RFX6: variants seen among roughly 807,000 people sequenced by gnomAD.
RFX6 encodes the protein regulatory factor X6.
Under a neutral mutation model 110.8 loss-of-function variants are expected in RFX6, and 50 were observed. The observed-to-expected ratio is 0.45, with a 90% CI of 0.36 to 0.57. The LOEUF (loss-of-function observed/expected upper bound fraction) is 0.57, where lower values mean the gene tolerates loss of function less well. RFX6 is among the 20% of genes least tolerant of loss of function. The pLI is 0.00. For missense variants in RFX6, 990 were observed against 1,127.0 expected (o/e 0.88, Z 1.74); for synonymous variants, 383 against 411.2 (o/e 0.93, Z 0.83).
chr6:116,930,662 A>T (rs911610376), intron 18 of RFX6, among the ~76,000 whole-genome samples: 1 of 152,254 alleles, frequency 6.6e-6, no homozygotes, highest in East Asian at 1.9e-4. Flanking sequence ...AGATGTGAAG[A>T]TCTGAGGGAG....
At chr6:116,919,845 C>A (rs933334651) in intron 11 of RFX6, among the ~76,000 whole-genome samples, 1 of 152,144 alleles carries the variant, frequency 6.6e-6, no homozygotes, top group African/African-American at 2.4e-5. Flanking sequence ...AAATATATTT[C>A]TCTTTCCCCA....
Position 116,911,939 on chromosome 6 carries a change from G to A in RFX6, c.780+897G>A, listed in dbSNP as rs1047988336. ...ATTGGCATATAAGTAGAGATGCATA[G>A]TAACTTACAGGGCTCATTTTGATGA... is the stretch of plus-strand genomic sequence containing the variant. On this transcript the variant is annotated intron_variant, in intron 7 of 18. Coordinates refer to ENST00000332958, the MANE Select transcript of RFX6 (RefSeq NM_173560.4). Among the ~76,000 whole-genome samples, 4 of 152,162 alleles carry A rather than the reference G, an allele frequency of 2.6e-5. No individual in the cohort carries two copies. In the South Asian group the frequency reaches 6.2e-4, roughly 24 times the overall value.
At chr6:116,888,381 C>T (rs774662268) in intron 4 of RFX6, among the ~76,000 whole-genome samples, 3 of 152,116 alleles carry the variant, frequency 2.0e-5, no homozygotes, top group Non-Finnish European at 4.4e-5. Context: ...AATGTGGTTA[C>T]AAGCATTAAT....
intron 17 of RFX6, 125 bp from the exon 18 acceptor site, chr6:116,928,634 G>C (rs1436779510): frequency 1.4e-6 from 1 of 726,850 alleles, no homozygotes; most frequent in Non-Finnish European, 2.5e-6. Flanking sequence ...AGCATGTATA[G>C]ATACACATGT....
chr6:116,882,160 T>C (rs748944430), intron 3 of RFX6, among the ~76,000 whole-genome samples: 2 of 152,134 alleles, frequency 1.3e-5, no homozygotes, highest in Admixed American at 6.6e-5. Flanking sequence ...ACAAGGTCAG[T>C]AGAGCACTTC....
chr6:116,918,357 G>A (rs1775519128), intron 10 of RFX6, among the ~76,000 whole-genome samples: 1 of 151,864 alleles, frequency 6.6e-6, no homozygotes, highest in South Asian at 2.1e-4. Context: ...TTTTTCAATG[G>A]AAACTAGCTG....
intron 16 of RFX6, among the ~76,000 whole-genome samples, chr6:116,926,556 C>A (rs565004946): frequency 6.6e-6 from 1 of 152,158 alleles, no homozygotes. Flanking sequence ...GGAACACTGG[C>A]GGCCCAGAGA....
At chr6:116,920,087 T>C (rs2114696951) in intron 11 of RFX6, among the ~76,000 whole-genome samples, 1 of 152,346 alleles carries the variant, frequency 6.6e-6, no homozygotes, top group Non-Finnish European at 1.5e-5. Flanking sequence ...GTTGGTGTGT[T>C]GCACCCATTA....
intron 18 of RFX6, 116 bp from the exon 19 acceptor site, chr6:116,931,215 G>T: frequency 1.3e-6 from 1 of 799,348 alleles, no homozygotes; most frequent in Non-Finnish European, 2.2e-6. Flanking sequence ...CTCAAATTTA[G>T]AATAGGTATG....
intron 4 of RFX6, chr6:116,885,122 C>T (rs1158646852): frequency 6.6e-6 from 1 of 151,996 alleles, no homozygotes; most frequent in African/African-American, 2.4e-5. Context: ...GGCAGTATAG[C>T]CTAATGGTTA....
chr6:116,915,139 T>G (rs1775435710), intron 7 of RFX6, among the ~76,000 whole-genome samples: 1 of 152,208 alleles, frequency 6.6e-6, no homozygotes, highest in South Asian at 2.1e-4. Flanking sequence ...TTGAATGTTA[T>G]TAAGTGGCCA....
chr6:116,898,988 G>T (rs1224249277), intron 6 of RFX6, among the ~76,000 whole-genome samples: 1 of 152,090 alleles, frequency 6.6e-6, no homozygotes, highest in East Asian at 1.9e-4. Context: ...TGAGAGAATT[G>T]AAAAATGGTT....
chr6:116,906,572 C>A (rs1379229668), intron 6 of RFX6, among the ~76,000 whole-genome samples: 1 of 152,010 alleles, frequency 6.6e-6, no homozygotes, highest in Non-Finnish European at 1.5e-5. Flanking sequence ...ACAAGTCTTT[C>A]ACTTCCTTGG....
At chr6:116,915,774 T>A (rs1202741407) in intron 7 of RFX6, among the ~76,000 whole-genome samples, 1 of 152,160 alleles carries the variant, frequency 6.6e-6, no homozygotes, top group East Asian at 1.9e-4. Flanking sequence ...CATAGTACTC[T>A]GAAAAATTAC....
At chr6:116,902,783 A>G (rs1775103638) in intron 6 of RFX6, among the ~76,000 whole-genome samples, 1 of 152,058 alleles carries the variant, frequency 6.6e-6, no homozygotes, top group South Asian at 2.1e-4. Flanking sequence ...TACCAAGATA[A>G]ATATCAAATC....
intron 6 of RFX6, among the ~76,000 whole-genome samples, chr6:116,901,812 T>G (rs987272911): frequency 7.9e-6 from 1 of 127,298 alleles, no homozygotes; most frequent in South Asian, 2.7e-4. Flanking sequence ...TCTAGTGAAG[T>G]TGAAGATTTA....
At chr6:116,910,853 T>C in intron 6 of RFX6, 82 bp from the exon 7 acceptor site, 1 of 973,014 alleles carries the variant, frequency 1.0e-6, no homozygotes, top group East Asian at 2.4e-5. Context: ...TGAAATTTTA[T>C]GGATTTGTAT....
intron 6 of RFX6, among the ~76,000 whole-genome samples, chr6:116,905,034 C>A (rs1775165807): frequency 6.6e-6 from 1 of 152,126 alleles, no homozygotes; most frequent in African/African-American, 2.4e-5. Context: ...TGGGTATATA[C>A]CCAGAAGCGG....
chr6:116,878,354 T>C (rs1774512356), intron 2 of RFX6, among the ~76,000 whole-genome samples: 2 of 152,314 alleles, frequency 1.3e-5, no homozygotes, highest in Middle Eastern at 3.4e-3. Context: ...ATCTTAACAC[T>C]GCCTTTATTC....
Sources: allele counts gnomAD v4.1 joint callset (sites outside exome capture counted in the v4.1 genomes callset), GRCh38; gene constraint gnomAD v4.1.1; transcripts MANE v1.5; gene names NCBI Gene and HGNC (gene_info 2026-07-23, HGNC 2026-07-21).